The following CNTNAP3 variants were observed in gnomAD, a reference collection of about 807,000 sequenced individuals.
CNTNAP3 encodes contactin-associated protein-like 3.
Under a neutral mutation model 92.1 loss-of-function variants are expected in CNTNAP3, and 36 were observed. The observed-to-expected ratio is 0.39, with a 90% CI of 0.30 to 0.52. CNTNAP3 has a LOEUF of 0.52. Among genes scored for constraint, CNTNAP3 ranks in the 20% least tolerant of loss-of-function variants. The probability of loss-of-function intolerance (pLI) is 0.76; values close to 1 mark genes in which losing one functional copy is unlikely to be tolerated. For synonymous variants in CNTNAP3, 232 were observed against 422.3 expected (o/e 0.55, Z 5.53); for missense variants, 534 against 1,069.6 (o/e 0.50, Z 6.98).
At chr9:39,138,188 C>A (rs960167490) in intron 12 of CNTNAP3, among the ~76,000 whole-genome samples, 4 of 152,048 alleles carry the variant, frequency 2.6e-5, no homozygotes, top group African/African-American at 4.8e-5. Flanking sequence ...GAAATTTTTT[C>A]TTGATAACCA....
chr9:39,075,778 T>A (rs1244502960), intron 23 of CNTNAP3, among the ~76,000 whole-genome samples: 3 of 152,300 alleles, frequency 2.0e-5, no homozygotes, highest in Non-Finnish European at 4.4e-5. Context: ...TGAGCCAGAC[T>A]TCTAAGCCAC....
chr9:39,115,135 T>C (rs1465017399), intron 14 of CNTNAP3, among the ~76,000 whole-genome samples: 3 of 151,934 alleles, frequency 2.0e-5, no homozygotes, highest in Non-Finnish European at 4.4e-5. Flanking sequence ...GACGAGTTGC[T>C]GATTACAGGG....
At chr9:39,074,545 C>T (rs1174303508) in intron 23 of CNTNAP3, among the ~76,000 whole-genome samples, 1 of 151,654 alleles carries the variant, frequency 6.6e-6, no homozygotes, top group Non-Finnish European at 1.5e-5. Flanking sequence ...TTTTTCCCTA[C>T]AGGTATATGA....
At chr9:39,158,439 T>TCC (rs1822000041) in intron 9 of CNTNAP3, among the ~76,000 whole-genome samples, 1 of 92,846 alleles carries the variant, frequency 1.1e-5, no homozygotes, top group South Asian at 4.1e-4. Flanking sequence ...AGCATGATGA[T>TCC]CCAGCATGGT....
At chr9:39,130,498 T>A (rs1452010453) in intron 13 of CNTNAP3, among the ~76,000 whole-genome samples, 1 of 134,144 alleles carries the variant, frequency 7.5e-6, no homozygotes, top group East Asian at 2.0e-4. Context: ...AGGAATTCTT[T>A]TTTTTTTTTT....
chr9:39,109,885 G>A (rs1196718464), intron 14 of CNTNAP3, among the ~76,000 whole-genome samples: 37 of 149,252 alleles, frequency 2.5e-4, no homozygotes, highest in South Asian at 1.5e-3. Context: ...AATAAAAATA[G>A]TAACACTGGA....
intron 23 of CNTNAP3, among the ~76,000 whole-genome samples, chr9:39,076,670 T>C (rs999839918): frequency 6.6e-6 from 1 of 152,302 alleles, no homozygotes; most frequent in Non-Finnish European, 1.5e-5. Flanking sequence ...AGAATACAAT[T>C]AAGATTTCAA....
chr9:39,146,787 A>T (rs1821712846), intron 10 of CNTNAP3, among the ~76,000 whole-genome samples: 1 of 152,214 alleles, frequency 6.6e-6, no homozygotes, highest in South Asian at 2.1e-4. Flanking sequence ...TTTTTTGTGT[A>T]GCTTAAAATT....
chr9:39,104,391 C>A (rs1297946059), intron 15 of CNTNAP3, among the ~76,000 whole-genome samples: 1 of 151,096 alleles, frequency 6.6e-6, no homozygotes, highest in Non-Finnish European at 1.5e-5. Context: ...TATTAGGCAT[C>A]CAAGTGGAGA....
At chr9:39,141,664 G>A (rs1256925596) in intron 11 of CNTNAP3, among the ~76,000 whole-genome samples, 2 of 152,046 alleles carry the variant, frequency 1.3e-5, no homozygotes, top group Non-Finnish European at 2.9e-5. Context: ...GCCACTTATG[G>A]CATATTGATT....
intron 19 of CNTNAP3, among the ~76,000 whole-genome samples, chr9:39,087,300 T>C (rs1426842517): frequency 3.3e-5 from 5 of 152,290 alleles, no homozygotes; most frequent in African/African-American, 4.8e-5. Flanking sequence ...GATTTTTTTA[T>C]AGCCAGATTA....
At chr9:39,138,852 T>C (rs937877820) in intron 12 of CNTNAP3, among the ~76,000 whole-genome samples, 2 of 152,142 alleles carry the variant, frequency 1.3e-5, no homozygotes, top group Non-Finnish European at 2.9e-5. Context: ...CTCTCCAATT[T>C]TGAGGGGCAG....
At chr9:39,110,754 T>C (rs1826726369) in intron 14 of CNTNAP3, among the ~76,000 whole-genome samples, 1 of 152,172 alleles carries the variant, frequency 6.6e-6, no homozygotes, top group African/African-American at 2.4e-5. Flanking sequence ...ATTTGGCCAA[T>C]AATAAATATT....
intron 15 of CNTNAP3, among the ~76,000 whole-genome samples, chr9:39,108,747 T>C: frequency 6.6e-6 from 1 of 152,244 alleles, no homozygotes; most frequent in Non-Finnish European, 1.5e-5. Context: ...TTCGGTGCCA[T>C]GTAATGTAAA....
chr9:39,077,934 G>C (rs1825821817), intron 23 of CNTNAP3, among the ~76,000 whole-genome samples: 1 of 152,134 alleles, frequency 6.6e-6, no homozygotes, highest in African/African-American at 2.4e-5. Flanking sequence ...GGCCGGGCAT[G>C]GTGGCTCACG....
At chr9:39,074,880 T>G (rs560039137) in intron 23 of CNTNAP3, among the ~76,000 whole-genome samples, 3 of 152,402 alleles carry the variant, frequency 2.0e-5, no homozygotes, top group East Asian at 3.9e-4. Flanking sequence ...GCCATTCTCC[T>G]GCCTCAGGCT....
chr9:39,112,786 A>G (rs1437502648), intron 14 of CNTNAP3, among the ~76,000 whole-genome samples: 1 of 152,198 alleles, frequency 6.6e-6, no homozygotes, highest in Non-Finnish European at 1.5e-5. Context: ...TCTTCTGGCC[A>G]ATTCAACCTG....
At chr9:39,147,636 G>C (rs1821734406) in intron 10 of CNTNAP3, among the ~76,000 whole-genome samples, 1 of 152,156 alleles carries the variant, frequency 6.6e-6, no homozygotes, top group Non-Finnish European at 1.5e-5. Context: ...TTTAAGTGTG[G>C]CTCACACATA....
At position 39,118,210 on chromosome 9, in the gene CNTNAP3, AGT is replaced by A. The variant is rs1415668860; in HGVS notation, c.2128_2129del (p.Thr710PhefsTer8). 1 of 1,598,684 alleles carries A rather than the reference AGT, an allele frequency of 6.3e-7. No individual in the cohort carries two copies. Among genetic ancestry groups the A allele is most frequent in the African/African-American group, 1.4e-5 (1 of 73,626 alleles). ...WWVGRTNETHTSWGGSLPDAQ... is the reference protein window; with the variant it reads ...WWVGRTNETHXSWGGSLPDAQ... The stretch of plus-strand genomic sequence containing the variant: ...CATCAGGCAGAGAACCTCCCCAGGA[AGT>A]GTGTGTTTCATTGGTTCTTCCAACC... On this transcript the variant is annotated frameshift_variant, in exon 14 of 24. Coordinates refer to ENST00000297668, the MANE Select transcript of CNTNAP3 (RefSeq NM_033655.5). LOFTEE classifies it high-confidence loss of function.
Sources: allele counts gnomAD v4.1 joint callset (sites outside exome capture counted in the v4.1 genomes callset), GRCh38; gene constraint gnomAD v4.1.1; transcripts MANE v1.5; gene names NCBI Gene and HGNC (gene_info 2026-07-23, HGNC 2026-07-21).